INPP5A: variants seen among roughly 807,000 people sequenced by gnomAD.
INPP5A encodes the protein 43 kDa inositol polyphosphate 5-phophatase.
In INPP5A, 14 loss-of-function variants were observed where a neutral mutation model predicts 65.2. The ratio of observed to expected loss-of-function variants is 0.21; its 90% CI spans 0.14 to 0.34. The LOEUF (loss-of-function observed/expected upper bound fraction) is 0.34, where lower values mean the gene tolerates loss of function less well. INPP5A is among the 10% of genes least tolerant of loss of function. The probability of loss-of-function intolerance (pLI) is 1.00; values close to 1 mark genes in which losing one functional copy is unlikely to be tolerated. For missense variants in INPP5A, 431 were observed against 545.6 expected (o/e 0.79, Z 2.09); for synonymous variants, 207 against 208.3 (o/e 0.99, Z 0.05).
At chr10:132,691,656 C>G (rs1845263979) in intron 5 of INPP5A, among the ~76,000 whole-genome samples, 1 of 152,366 alleles carries the variant, frequency 6.6e-6, no homozygotes, top group East Asian at 1.9e-4. Flanking sequence ...ACACTTCACT[C>G]TAGCAAAACT....
intron 11 of INPP5A, among the ~76,000 whole-genome samples, chr10:132,759,894 C>T (rs1038800689): frequency 2.6e-5 from 4 of 152,288 alleles, no homozygotes; most frequent in African/African-American, 7.2e-5. Context: ...TGCGCAGTCC[C>T]GTGCTCACTG....
chr10:132,718,594 G>T (rs1345759432), intron 8 of INPP5A, among the ~76,000 whole-genome samples: 1 of 147,888 alleles, frequency 6.8e-6, no homozygotes, highest in East Asian at 2.0e-4. Context: ...TTCTGTCTAG[G>T]CACCTTAGAC....
intron 1 of INPP5A, among the ~76,000 whole-genome samples, chr10:132,564,516 G>T (rs2071249303): frequency 6.6e-6 from 1 of 152,138 alleles, no homozygotes; most frequent in African/African-American, 2.4e-5. Flanking sequence ...CCGGCCCAGG[G>T]CTCAGCTCAC....
intron 1 of INPP5A, among the ~76,000 whole-genome samples, chr10:132,581,677 T>G (rs575738705): frequency 1.1e-4 from 17 of 152,182 alleles, no homozygotes; most frequent in Non-Finnish European, 2.1e-4. Flanking sequence ...TGACCATTCA[T>G]GTATTTCTTT....
In INPP5A at chr10:132,705,914, C is replaced by T. The variant is rs535260316; in HGVS notation, c.475-2399C>T. Reference sequence around the variant, plus strand: ...TATGAGACGAGCAGACACCAGAATACAGACTCACCCCAAATAAAGTTGATT... The same window carrying T: ...TATGAGACGAGCAGACACCAGAATATAGACTCACCCCAAATAAAGTTGATT... On this transcript the variant is annotated intron_variant, in intron 6 of 15. Transcript: ENST00000368594. This position sits in a 1 kb window ranked among gnomAD's most constrained non-coding sequence, Gnocchi z 4.9. Among the ~76,000 whole-genome samples, 1 of 152,324 alleles carries T rather than the reference C, an allele frequency of 6.6e-6. No homozygotes were observed. The highest frequency in any genetic ancestry group is 1.9e-4 in the East Asian group (1 of 5,194).
intron 8 of INPP5A, among the ~76,000 whole-genome samples, chr10:132,715,643 C>T (rs1197303151): frequency 1.3e-5 from 2 of 152,262 alleles, no homozygotes; most frequent in Non-Finnish European, 2.9e-5. Flanking sequence ...CAGAACTTGC[C>T]TTGCTGTGCA....
At position 132,651,327 on chromosome 10, in the gene INPP5A, G is replaced by C. The variant is rs1220722272; in HGVS notation, c.306+822G>C. Among the ~76,000 whole-genome samples, 1 of 137,260 alleles carries C rather than the reference G, an allele frequency of 7.3e-6. No individual in the cohort carries two copies. Among genetic ancestry groups the C allele is most frequent in the Non-Finnish European group, 1.6e-5 (1 of 63,530 alleles). The allele number at this position is 137,260 out of a possible 152,430, so 90.0% of individuals were successfully genotyped here. A position where few individuals can be genotyped will look rare whatever the true frequency, so the allele number is the denominator to read the frequency against. On this transcript the variant is annotated intron_variant, in intron 4 of 15. Coordinates refer to ENST00000368594, the MANE Select transcript of INPP5A (RefSeq NM_005539.5). The surrounding 1 kb of genome is among the most constrained non-coding windows in gnomAD (Gnocchi z 5.0). ...GGGGAGGCCCTGGGTCCCCCGGCCT[G>C]GATCCATCTCCCCCGTCTCTGGGGA...
At chr10:132,671,108 G>A (rs948747796) in intron 4 of INPP5A, among the ~76,000 whole-genome samples, 1 of 152,044 alleles carries the variant, frequency 6.6e-6, no homozygotes, top group Non-Finnish European at 1.5e-5. Flanking sequence ...GAAGCAGCAG[G>A]TGGCCCACTC....
chr10:132,768,689 G>T (rs1426148699), intron 12 of INPP5A, among the ~76,000 whole-genome samples: 1 of 152,242 alleles, frequency 6.6e-6, no homozygotes, highest in Non-Finnish European at 1.5e-5. Context: ...TGAGGCCTGT[G>T]TCTGACCCAG....
intron 11 of INPP5A, among the ~76,000 whole-genome samples, chr10:132,755,573 T>G (rs1647682783): frequency 6.7e-6 from 1 of 149,680 alleles, no homozygotes; most frequent in South Asian, 2.2e-4. Flanking sequence ...AGAGCAGGTG[T>G]GAGCGAGTGT....
intron 1 of INPP5A, among the ~76,000 whole-genome samples, chr10:132,579,918 GT>G (rs35846779): frequency 4.0e-4 from 56 of 141,738 alleles, no homozygotes; most frequent in African/African-American, 5.2e-4. Flanking sequence ...CTGTTTAAAA[GT>G]TTTTTTTTTT....
At chr10:132,658,283 G>C (rs1310364966) in intron 4 of INPP5A, among the ~76,000 whole-genome samples, 1 of 152,128 alleles carries the variant, frequency 6.6e-6, no homozygotes, top group Non-Finnish European at 1.5e-5. Flanking sequence ...AAAAGTGTTG[G>C]AATTTGGTCC....
chr10:132,713,224 G>A (rs1373616905), intron 8 of INPP5A, among the ~76,000 whole-genome samples: 2 of 151,950 alleles, frequency 1.3e-5, no homozygotes, highest in Non-Finnish European at 2.9e-5. Context: ...GTGTGCACAC[G>A]TGTGTGTAGG....
intron 3 of INPP5A, among the ~76,000 whole-genome samples, chr10:132,646,315 C>T (rs1263880825): frequency 3.9e-5 from 6 of 152,182 alleles, no homozygotes; most frequent in Non-Finnish European, 8.8e-5. Context: ...CATCCCACTG[C>T]GCAGTCTGTC....
intron 8 of INPP5A, among the ~76,000 whole-genome samples, chr10:132,726,213 T>C (rs1371597844): frequency 6.6e-6 from 1 of 152,240 alleles, no homozygotes; most frequent in East Asian, 1.9e-4. Flanking sequence ...CACACACGTA[T>C]GCAGCCACTG....
intron 12 of INPP5A, among the ~76,000 whole-genome samples, chr10:132,766,078 ATGTGCACGAGTGTG>A (rs1368434338): frequency 2.6e-5 from 4 of 151,986 alleles, no homozygotes; most frequent in African/African-American, 7.3e-5. Flanking sequence ...GTGTGTGCAC[ATGTGCACGAGTGTG>A]TGTGCACGAG....
chr10:132,713,070 C>T (rs551121991), intron 8 of INPP5A, among the ~76,000 whole-genome samples: 7 of 149,816 alleles, frequency 4.7e-5, no homozygotes, highest in South Asian at 2.1e-4. Flanking sequence ...GTGGGGAGAG[C>T]ATATGCACGT....
At chr10:132,657,688 T>C (rs1343903262) in intron 4 of INPP5A, among the ~76,000 whole-genome samples, 1 of 152,196 alleles carries the variant, frequency 6.6e-6, no homozygotes, top group Non-Finnish European at 1.5e-5. Flanking sequence ...TAAATAAGAC[T>C]TTAGGGAGAA....
intron 2 of INPP5A, among the ~76,000 whole-genome samples, chr10:132,615,641 G>T (rs908306430): frequency 1.3e-5 from 2 of 152,210 alleles, no homozygotes; most frequent in African/African-American, 2.4e-5. Context: ...AGCTGGGCAG[G>T]CCCCTTTGCT....
Sources: allele counts gnomAD v4.1 joint callset (sites outside exome capture counted in the v4.1 genomes callset), GRCh38; gene constraint gnomAD v4.1.1; non-coding constraint Gnocchi (gnomAD v3.1); transcripts MANE v1.5; gene names NCBI Gene and HGNC (gene_info 2026-07-23, HGNC 2026-07-21).